The following STAG1 variants were observed in gnomAD, a reference collection of about 807,000 sequenced individuals.
STAG1 encodes STAG1 cohesin complex component.
A neutral mutation model predicts 170.9 loss-of-function variants in STAG1; 26 were observed. That is an observed-to-expected ratio of 0.15 (90% CI 0.11 to 0.21). The LOEUF (loss-of-function observed/expected upper bound fraction) is 0.21. Ranked by LOEUF, STAG1 falls within the 10% of genes least tolerant of loss-of-function variation. The probability of loss-of-function intolerance (pLI) is 1.00; values close to 1 mark genes in which losing one functional copy is unlikely to be tolerated. For missense variants in STAG1, 964 were observed against 1,509.5 expected (o/e 0.64, Z 5.99); for synonymous variants, 514 against 497.7 (o/e 1.03, Z -0.44).
intron 12 of STAG1, among the ~76,000 whole-genome samples, chr3:136,468,022 T>C (rs1018499681): frequency 6.6e-6 from 1 of 152,138 alleles, no homozygotes; most frequent in Non-Finnish European, 1.5e-5. Context: ...TAGAGGGAAA[T>C]GTATAGCACT....
chr3:136,742,851 G>A (rs928510163), intron 1 of STAG1, among the ~76,000 whole-genome samples: 1 of 152,092 alleles, frequency 6.6e-6, no homozygotes, highest in East Asian at 1.9e-4. Flanking sequence ...TAATGTAGCA[G>A]TGCTTAGAGA....
intron 4 of STAG1, among the ~76,000 whole-genome samples, chr3:136,597,511 A>G (rs1389419178): frequency 6.6e-6 from 1 of 152,186 alleles, no homozygotes; most frequent in Non-Finnish European, 1.5e-5. Context: ...TTAAAATAGT[A>G]GTTTATTCTG....
intron 9 of STAG1, among the ~76,000 whole-genome samples, chr3:136,491,077 T>C (rs546562103): frequency 1.8e-4 from 28 of 152,300 alleles, no homozygotes; most frequent in African/African-American, 6.5e-4. Context: ...TTTTATAAAA[T>C]TGTACTCACT....
At chr3:136,673,169 T>C (rs969345673) in intron 1 of STAG1, among the ~76,000 whole-genome samples, 6 of 152,220 alleles carry the variant, frequency 3.9e-5, no homozygotes, top group African/African-American at 1.4e-4. Flanking sequence ...TAGTTTTAAA[T>C]TTCTAGAAGC....
intron 2 of STAG1, among the ~76,000 whole-genome samples, chr3:136,626,424 CA>C (rs755048196): frequency 4.8e-3 from 375 of 77,402 alleles, no homozygotes; most frequent in East Asian, 0.019. Context: ...GACTACATCT[CA>C]AAAAAAAAAA....
At chr3:136,435,079 A>T (rs2088416227) in intron 15 of STAG1, among the ~76,000 whole-genome samples, 1 of 152,216 alleles carries the variant, frequency 6.6e-6, no homozygotes, top group Non-Finnish European at 1.5e-5. Context: ...ATTATACTAG[A>T]CTTATGGCAT....
intron 16 of STAG1, among the ~76,000 whole-genome samples, chr3:136,428,251 G>A (rs999889176): frequency 3.9e-5 from 6 of 152,102 alleles, no homozygotes; most frequent in Admixed American, 3.9e-4. Context: ...GCCTTGAAGG[G>A]AAAAGATAAA....
chr3:136,408,995 G>A (rs1208095357), intron 21 of STAG1, among the ~76,000 whole-genome samples: 2 of 152,280 alleles, frequency 1.3e-5, no homozygotes, highest in East Asian at 3.9e-4. Flanking sequence ...GCCAGGTGCG[G>A]TGCCTCACAC....
chr3:136,588,358 T>C (rs1307542532), intron 4 of STAG1, among the ~76,000 whole-genome samples: 2 of 152,138 alleles, frequency 1.3e-5, no homozygotes, highest in East Asian at 3.9e-4. Context: ...TGTTTTGAGA[T>C]GGAGTTTCGC....
chr3:136,388,393 G>C (rs1421532696), intron 22 of STAG1, among the ~76,000 whole-genome samples: 3 of 152,114 alleles, frequency 2.0e-5, no homozygotes, highest in African/African-American at 7.2e-5. Context: ...TTTTGAGATG[G>C]AGTCTCGCTC....
intron 1 of STAG1, among the ~76,000 whole-genome samples, chr3:136,664,632 T>C (rs1559937972): frequency 6.6e-6 from 1 of 152,202 alleles, no homozygotes; most frequent in African/African-American, 2.4e-5. Context: ...ACTATACATT[T>C]GTGTATTGTA....
At chr3:136,678,194 G>A (rs1246923752) in intron 1 of STAG1, among the ~76,000 whole-genome samples, 1 of 149,334 alleles carries the variant, frequency 6.7e-6, no homozygotes, top group Non-Finnish European at 1.5e-5. Flanking sequence ...AAAAAATCGA[G>A]TTTATATATA....
intron 1 of STAG1, among the ~76,000 whole-genome samples, chr3:136,735,143 C>A (rs1425698558): frequency 6.6e-6 from 1 of 151,814 alleles, no homozygotes; most frequent in Non-Finnish European, 1.5e-5. Flanking sequence ...TGGAGATGGA[C>A]TTCCGCTCTT....
intron 1 of STAG1, among the ~76,000 whole-genome samples, chr3:136,743,178 C>T (rs1234721031): frequency 6.6e-6 from 1 of 152,078 alleles, no homozygotes; most frequent in East Asian, 1.9e-4. Context: ...ACCAGTATGG[C>T]CAACATAGTG....
chr3:136,411,505 C>A (rs2087623152), intron 21 of STAG1, among the ~76,000 whole-genome samples: 1 of 152,080 alleles, frequency 6.6e-6, no homozygotes, highest in African/African-American at 2.4e-5. Flanking sequence ...GAAATGTGTG[C>A]TTTTCACAAG....
intron 12 of STAG1, among the ~76,000 whole-genome samples, chr3:136,466,727 G>GA (rs1284357228): frequency 1.3e-5 from 2 of 152,112 alleles, no homozygotes; most frequent in Non-Finnish European, 2.9e-5. Flanking sequence ...TGAAATGAAG[G>GA]AAAAAATGTT....
intron 16 of STAG1, among the ~76,000 whole-genome samples, chr3:136,425,367 G>A (rs746736296): frequency 3.2e-4 from 49 of 152,024 alleles, no homozygotes; most frequent in African/African-American, 9.2e-4. Flanking sequence ...GTGAGTGGGT[G>A]GAATGTGAAA....
At chr3:136,497,355 T>A (rs1933162680) in intron 9 of STAG1, among the ~76,000 whole-genome samples, 1 of 152,130 alleles carries the variant, frequency 6.6e-6, no homozygotes, top group African/African-American at 2.4e-5. Context: ...GCAAATCACA[T>A]ACAACCATAT....
chr3:136,739,503 CAAAAAAAAAAAAAAAAG>C (rs1163004530), intron 1 of STAG1, among the ~76,000 whole-genome samples: 5 of 45,694 alleles, frequency 1.1e-4, no homozygotes, highest in Non-Finnish European at 2.2e-4. Flanking sequence ...CAGACTCCGT[CAAAAAAAAAAAAAAAAG>C]AAAAAAAAAA....
Sources: allele counts gnomAD v4.1 joint callset (sites outside exome capture counted in the v4.1 genomes callset), GRCh38; gene constraint gnomAD v4.1.1; transcripts MANE v1.5; gene names NCBI Gene and HGNC (gene_info 2026-07-23, HGNC 2026-07-21).